SLIT3: variants seen among roughly 807,000 people sequenced by gnomAD.
SLIT3 encodes slit homolog 3 protein.
SLIT3 carries 68 observed loss-of-function variants against 184.0 expected under a neutral mutation model. The ratio of observed to expected loss-of-function variants is 0.37; its 90% CI spans 0.30 to 0.45. The LOEUF is 0.45. Ranked by LOEUF, SLIT3 falls within the 20% of genes least tolerant of loss-of-function variation. The pLI, the probability that SLIT3 is intolerant of heterozygous loss-of-function variation, is 1.00. For synonymous variants in SLIT3, 831 were observed against 828.6 expected (o/e 1.00, Z -0.05); for missense variants, 1,707 against 2,026.0 (o/e 0.84, Z 3.02).
intron 1 of SLIT3, among the ~76,000 whole-genome samples, chr5:169,293,138 T>C (rs1767405582): frequency 6.6e-6 from 1 of 152,126 alleles, no homozygotes; most frequent in Non-Finnish European, 1.5e-5. Flanking sequence ...CTCCGGTAAA[T>C]GGGTGGTGAG....
chr5:168,956,469 C>T (rs767165179), intron 4 of SLIT3, among the ~76,000 whole-genome samples: 33 of 152,144 alleles, frequency 2.2e-4, no homozygotes, highest in Non-Finnish European at 4.3e-4. Context: ...CTTTTACCTA[C>T]AATGAGAAGG....
At chr5:169,148,263 C>T (rs138581575) in intron 4 of SLIT3, among the ~76,000 whole-genome samples, 7 of 152,252 alleles carry the variant, frequency 4.6e-5, no homozygotes, top group African/African-American at 1.2e-4. Context: ...CAGCCAATGC[C>T]GGGCCCGTAT....
In SLIT3 at chr5:169,189,526, GGATATATATATATATATA is replaced by G. The variant is rs1412746199; in HGVS notation, c.413+3935_413+3952del. On this transcript the variant is annotated intron_variant, in intron 4 of 35. Transcript: ENST00000519560. ...TACAGTACTGCTTCTTAGATAGATG[GGATATATATATATATATA>G]TATATATATATATATATATATATAT... Among the ~76,000 whole-genome samples the G allele has an allele frequency of 2.1e-3, 179 of 86,146 alleles. 4 individuals carry two copies. In the East Asian group the frequency reaches 0.028, roughly 14 times the overall value. 56.5% of individuals were successfully genotyped at this position (86,146 alleles called of 152,430 possible).
chr5:169,213,897 T>G (rs1053603963), intron 3 of SLIT3, among the ~76,000 whole-genome samples: 4 of 152,334 alleles, frequency 2.6e-5, no homozygotes, highest in Admixed American at 2.0e-4. Context: ...TTTGACAGAC[T>G]CAGAAGCTTG....
chr5:169,191,496 T>C (rs1763550481), intron 4 of SLIT3, among the ~76,000 whole-genome samples: 1 of 152,144 alleles, frequency 6.6e-6, no homozygotes, highest in Non-Finnish European at 1.5e-5. Context: ...GGAGTAATAA[T>C]AGTTGTCTTG....
chr5:169,030,749 A>T (rs1156363395), intron 4 of SLIT3, among the ~76,000 whole-genome samples: 2 of 152,236 alleles, frequency 1.3e-5, no homozygotes, highest in South Asian at 4.1e-4. Flanking sequence ...CCACAAAACA[A>T]TCATATGAGT....
intron 3 of SLIT3, among the ~76,000 whole-genome samples, chr5:169,215,502 G>C (rs576538679): frequency 7.3e-6 from 1 of 136,262 alleles, no homozygotes; most frequent in African/African-American, 2.8e-5. Context: ...GGCTTTGTAG[G>C]CTCCATGGTG....
At chr5:169,172,071 C>T (rs1352523712) in intron 4 of SLIT3, among the ~76,000 whole-genome samples, 4 of 152,078 alleles carry the variant, frequency 2.6e-5, no homozygotes, top group African/African-American at 7.2e-5. Context: ...AAGAAAGCCT[C>T]GGAAATGTTT....
At chr5:168,695,375 G>C (rs1277628656) in intron 28 of SLIT3, among the ~76,000 whole-genome samples, 1 of 152,214 alleles carries the variant, frequency 6.6e-6, no homozygotes, top group Non-Finnish European at 1.5e-5. Flanking sequence ...TTTGGGAACT[G>C]CTGGGTTAAA....
At chr5:169,171,420 G>T (rs1186419888) in intron 4 of SLIT3, among the ~76,000 whole-genome samples, 1 of 152,146 alleles carries the variant, frequency 6.6e-6, no homozygotes, top group Non-Finnish European at 1.5e-5. Context: ...AAATGTGTGT[G>T]GGGAGGTGGA....
chr5:168,692,573 G>C, intron 29 of SLIT3, 34 bp downstream of exon 29: 1 of 1,475,160 alleles, frequency 6.8e-7, no homozygotes, highest in Non-Finnish European at 9.5e-7. Flanking sequence ...AGTTTTCATG[G>C]ACTCTGTGCT....
chr5:168,874,912 C>T (rs35542856), intron 5 of SLIT3, among the ~76,000 whole-genome samples: 15,350 of 152,250 alleles, frequency 0.1, 919 homozygotes, highest in Non-Finnish European at 0.13. Flanking sequence ...GCTTGCTGTG[C>T]ATGTCTCCCC....
chr5:168,948,412 A>G (rs1762554452), intron 4 of SLIT3, among the ~76,000 whole-genome samples: 1 of 152,200 alleles, frequency 6.6e-6, no homozygotes, highest in African/African-American at 2.4e-5. Context: ...TACAGAGAAC[A>G]GAGCCGGAGC....
intron 4 of SLIT3, among the ~76,000 whole-genome samples, chr5:168,971,098 G>T (rs1754561146): frequency 6.6e-6 from 1 of 152,228 alleles, no homozygotes; most frequent in African/African-American, 2.4e-5. Context: ...ATCTTGTGGA[G>T]TGTATGTGTG....
chr5:168,977,036 G>T lies in SLIT3; in HGVS notation c.414-93700C>A, dbSNP rs150063323. Among the ~76,000 whole-genome samples, 213 of 152,214 alleles carry T rather than the reference G, an allele frequency of 1.4e-3. 3 individuals are homozygous for T. The highest frequency in any genetic ancestry group is 4.7e-3 in the African/African-American group (197 of 41,520). On this transcript the variant is annotated intron_variant, in intron 4 of 35. Coordinates refer to ENST00000519560, the MANE Select transcript of SLIT3 (RefSeq NM_003062.4). ...AGCTGTGAATTTGGGGGAGGGGTTG[G>T]GGGAGGTCCTCAGTGGGGAACAAAG...
At position 169,300,716 on chromosome 5, in the gene SLIT3, C is replaced by T; in HGVS notation, c.-7G>A. 5 of 1,327,714 alleles carry T rather than the reference C, an allele frequency of 3.8e-6. No homozygotes were observed. Among genetic ancestry groups the T allele is most frequent in the South Asian group, 2.0e-5 (1 of 50,450 alleles). 82.2% of individuals were successfully genotyped at this position (1,327,714 alleles called of 1,614,324 possible). A position where few individuals can be genotyped will look rare whatever the true frequency, so the allele number is the denominator to read the frequency against. ...CTGCCCACCCGGGGGCCATGGTGTGCAGGGCCCCGCTCCTGGAGGAGGCTG... is the reference window on the plus strand; with the variant it reads ...CTGCCCACCCGGGGGCCATGGTGTGTAGGGCCCCGCTCCTGGAGGAGGCTG... On this transcript the variant is annotated 5_prime_UTR_variant, in exon 1 of 36. Coordinates refer to ENST00000519560, the MANE Select transcript of SLIT3 (RefSeq NM_003062.4). This position sits in a 1 kb window ranked among gnomAD's most constrained non-coding sequence, Gnocchi z 4.1.
rs763645922 is a variant in SLIT3 at position 169,113,697 on chromosome 5, C to T, written c.413+79782G>A. 1.1e-3 allele frequency among the ~76,000 whole-genome samples: 158 copies of T among 138,884 alleles called. 1 individual carries two copies. Among genetic ancestry groups the T allele is most frequent in the Non-Finnish European group, 1.8e-3 (122 of 66,418 alleles). 91.1% of individuals were successfully genotyped at this position (138,884 alleles called of 152,430 possible). A position where few individuals can be genotyped will look rare whatever the true frequency, so the allele number is the denominator to read the frequency against. On this transcript the variant is annotated intron_variant, in intron 4 of 35. Transcript: ENST00000519560. Reference sequence around the variant, plus strand: ...TTTGAGATGGAGTCTTGCTCTGTCTCCAGGTTGGAGTGCAGTGGCTCGATC... The same window carrying T: ...TTTGAGATGGAGTCTTGCTCTGTCTTCAGGTTGGAGTGCAGTGGCTCGATC...
chr5:168,918,229 T>C (rs1326432996), intron 4 of SLIT3, among the ~76,000 whole-genome samples: 1 of 152,126 alleles, frequency 6.6e-6, no homozygotes, highest in Non-Finnish European at 1.5e-5. Context: ...AATCAGGTAA[T>C]GACAGGGAAG....
chr5:169,048,102 G>A (rs1757688832), intron 4 of SLIT3, among the ~76,000 whole-genome samples: 1 of 152,156 alleles, frequency 6.6e-6, no homozygotes, highest in Non-Finnish European at 1.5e-5. Flanking sequence ...TTCTTCTGAT[G>A]CCCCTTGACT....
Sources: gnomAD v4.1 joint callset for allele counts (sites outside exome capture counted in the v4.1 genomes callset) on GRCh38, gnomAD v4.1.1 for gene constraint, Gnocchi (gnomAD v3.1) non-coding constraint, MANE v1.5 for transcripts, NCBI Gene and HGNC (gene_info 2026-07-23, HGNC 2026-07-21) for gene names.